The following MAGI3 variants were observed in gnomAD, a reference collection of about 807,000 sequenced individuals.
The protein encoded by MAGI3 is membrane-associated guanylate kinase, WW and PDZ domain-containing protein 3.
A neutral mutation model predicts 121.8 loss-of-function variants in MAGI3; 43 were observed. The observed-to-expected ratio is 0.35, with a 90% CI of 0.28 to 0.46. The LOEUF (loss-of-function observed/expected upper bound fraction) is 0.46. MAGI3 is among the 20% of genes least tolerant of loss of function. The pLI, the probability that MAGI3 is intolerant of heterozygous loss-of-function variation, is 1.00. For synonymous variants in MAGI3, 553 were observed against 639.3 expected (o/e 0.86, Z 2.04); for missense variants, 1,547 against 1,797.3 (o/e 0.86, Z 2.52).
At chr1:113,633,591 T>C (rs1160844574) in intron 9 of MAGI3, among the ~76,000 whole-genome samples, 1 of 152,184 alleles carries the variant, frequency 6.6e-6, no homozygotes, top group African/African-American at 2.4e-5. Context: ...CTGCATAGTA[T>C]TCCACGGTGT....
chr1:113,540,839 A>C (rs1384515029), intron 1 of MAGI3, among the ~76,000 whole-genome samples: 1 of 152,242 alleles, frequency 6.6e-6, no homozygotes, highest in African/African-American at 2.4e-5. Context: ...AAACAAAAAA[A>C]AGTCCACAGC....
chr1:113,543,078 A>G (rs1364194541), intron 1 of MAGI3, among the ~76,000 whole-genome samples: 1 of 151,896 alleles, frequency 6.6e-6, no homozygotes, highest in Non-Finnish European at 1.5e-5. Flanking sequence ...TAATAATTCT[A>G]AAATAACAGC....
chr1:113,599,087 G>A lies in MAGI3; in HGVS notation c.1018+4527G>A, dbSNP rs187843890. Reference sequence around the variant, plus strand: ...ACATCTTTATTTCTGCCTTCATTTCGTTATGTACCCATGCCCACAAGAGAA... The same window carrying A: ...ACATCTTTATTTCTGCCTTCATTTCATTATGTACCCATGCCCACAAGAGAA... On this transcript the variant is annotated intron_variant, in intron 6 of 20. Transcript: ENST00000307546. Among the ~76,000 whole-genome samples, 119 of 151,930 alleles carry A rather than the reference G, an allele frequency of 7.8e-4. No homozygotes were observed. The East Asian group carries it at 0.017, about 22-fold the overall frequency.
chr1:113,579,318 G>A (rs1418545782), intron 2 of MAGI3, among the ~76,000 whole-genome samples: 1 of 152,170 alleles, frequency 6.6e-6, no homozygotes, highest in Non-Finnish European at 1.5e-5. Flanking sequence ...GTGGGAAAGG[G>A]AGTAGGAAGT....
At chr1:113,600,087 T>C (rs1221084261) in intron 6 of MAGI3, among the ~76,000 whole-genome samples, 1 of 152,174 alleles carries the variant, frequency 6.6e-6, no homozygotes, top group African/African-American at 2.4e-5. Context: ...TAATAAGAGC[T>C]ATCTATGACA....
chr1:113,582,754 T>G (rs1648116352), intron 3 of MAGI3, among the ~76,000 whole-genome samples: 1 of 151,870 alleles, frequency 6.6e-6, no homozygotes, highest in African/African-American at 2.4e-5. Context: ...GAGCTTTAAT[T>G]GTAGATGTGG....
intron 1 of MAGI3, among the ~76,000 whole-genome samples, chr1:113,406,120 C>T (rs1481659073): frequency 2.0e-5 from 3 of 151,002 alleles, no homozygotes; most frequent in Non-Finnish European, 4.4e-5. Context: ...TAAACCAAAC[C>T]CCATCTTTAA....
intron 9 of MAGI3, among the ~76,000 whole-genome samples, chr1:113,629,759 T>TCC (rs1335092471): frequency 2.2e-4 from 18 of 80,534 alleles, no homozygotes; most frequent in East Asian, 1.3e-3. Context: ...TCTCTCTCTC[T>TCC]CTCCCTCCCT....
chr1:113,503,857 G>T (rs1657176363), intron 1 of MAGI3, among the ~76,000 whole-genome samples: 1 of 151,918 alleles, frequency 6.6e-6, no homozygotes, highest in Admixed American at 6.6e-5. Flanking sequence ...CTAGAGAAGT[G>T]GTAAATATTT....
rs536967828 is a variant in MAGI3, at chr1:113,409,340, A to G, written c.316+17991A>G. ...GGATATATCTTTCAACTAGAAGTTT[A>G]CTTTTAAAAATCTTCTCTTTTTGGC... On this transcript the variant is annotated intron_variant, in intron 1 of 20. Coordinates refer to ENST00000307546, the MANE Select transcript of MAGI3 (RefSeq NM_001142782.2). Among the ~76,000 whole-genome samples the G allele has an allele frequency of 2.6e-5, 4 of 152,184 alleles. No individual in the cohort carries two copies. In the South Asian group the frequency reaches 6.2e-4, roughly 24 times the overall value.
chr1:113,417,582 A>G (rs1314045311), intron 1 of MAGI3, among the ~76,000 whole-genome samples: 1 of 152,070 alleles, frequency 6.6e-6, no homozygotes, highest in Non-Finnish European at 1.5e-5. Flanking sequence ...GTAAATCTAC[A>G]CTTTTACTTT....
chr1:113,676,860 A>AT (rs1327460440), intron 19 of MAGI3, among the ~76,000 whole-genome samples: 1 of 152,134 alleles, frequency 6.6e-6, no homozygotes, highest in South Asian at 2.1e-4. Flanking sequence ...GGTGCCTTGA[A>AT]TATTCATATC....
intron 1 of MAGI3, among the ~76,000 whole-genome samples, chr1:113,435,717 A>G (rs556937841): frequency 3.4e-4 from 52 of 152,286 alleles, no homozygotes; most frequent in Middle Eastern, 3.4e-3. Context: ...TTTAATTTAT[A>G]TTTAAATCTC....
In MAGI3 at chr1:113,485,345, G is replaced by T. The variant is rs374886607; in HGVS notation, c.317-64170G>T. ...TTATTTTTTGATTTTTTTGATTATGGCCATTCTTTCAGGAATGAAGTGATG... is the reference window on the plus strand; with the variant it reads ...TTATTTTTTGATTTTTTTGATTATGTCCATTCTTTCAGGAATGAAGTGATG... On this transcript the variant is annotated intron_variant, in intron 1 of 20. Coordinates refer to ENST00000307546, the MANE Select transcript of MAGI3 (RefSeq NM_001142782.2). 1.4e-4 allele frequency among the ~76,000 whole-genome samples: 22 copies of T among 152,162 alleles called. No homozygotes were observed. In the East Asian group the frequency reaches 3.9e-3, roughly 27 times the overall value.
chr1:113,644,042 G>T (rs1414729859), intron 11 of MAGI3, among the ~76,000 whole-genome samples: 4 of 152,162 alleles, frequency 2.6e-5, no homozygotes, highest in South Asian at 2.1e-4. Context: ...GTTATAAAAT[G>T]TGAACACATT....
Position 113,681,294 on chromosome 1 carries a change from C to A in MAGI3, c.3286C>A (p.Leu1096Ile). The A allele has an allele frequency of 6.2e-7, 1 of 1,614,058 alleles. No individual in the cohort carries two copies. Among genetic ancestry groups the A allele is most frequent in the Non-Finnish European group, 8.5e-7 (1 of 1,180,004 alleles). Reference sequence around the variant, plus strand: ...CATTCAGGCTGGTGGAAATAAAGTTCTTCTTCTTTTGAGGCCAGGAACTGG... The same window carrying A: ...CATTCAGGCTGGTGGAAATAAAGTTATTCTTCTTTTGAGGCCAGGAACTGG... Reference protein sequence around the residue: ...ELIQAGGNKVLLLLRPGTGLI... With the variant: ...ELIQAGGNKVILLLRPGTGLI... Residue 1096 changes from leucine to isoleucine, a missense_variant, in exon 20 of 21, where the codon CTT becomes ATT. Transcript: ENST00000307546.
chr1:113,446,972 A>C (rs1243298783), intron 1 of MAGI3, among the ~76,000 whole-genome samples: 1 of 152,210 alleles, frequency 6.6e-6, no homozygotes. Flanking sequence ...GACAGGAAGT[A>C]GTATGGTGGT....
At chr1:113,538,492 A>G (rs1659109293) in intron 1 of MAGI3, among the ~76,000 whole-genome samples, 1 of 152,256 alleles carries the variant, frequency 6.6e-6, no homozygotes, top group Admixed American at 6.5e-5. Context: ...TGTGAGCGTC[A>G]CAAAGAAAAA....
chr1:113,639,925 G>A (rs981470316), intron 9 of MAGI3, among the ~76,000 whole-genome samples: 4 of 152,104 alleles, frequency 2.6e-5, no homozygotes, highest in South Asian at 2.1e-4. Flanking sequence ...GGCTGGTGTC[G>A]AATTCCTGAC....
Sources: allele counts gnomAD v4.1 joint callset (sites outside exome capture counted in the v4.1 genomes callset), GRCh38; gene constraint gnomAD v4.1.1; transcripts MANE v1.5; gene names NCBI Gene and HGNC (gene_info 2026-07-23, HGNC 2026-07-21).